CLCN2: variants seen among roughly 807,000 people sequenced by gnomAD.
CLCN2 encodes chloride voltage-gated channel 2, also known as chloride channel protein 2.
Under a neutral mutation model 108.3 loss-of-function variants are expected in CLCN2, and 72 were observed. The ratio of observed to expected loss-of-function variants is 0.66; its 90% CI spans 0.55 to 0.81. The LOEUF is 0.81. Among genes scored for constraint, CLCN2 ranks in the 30% least tolerant of loss-of-function variants. The probability of loss-of-function intolerance (pLI) is 0.00; values close to 1 mark genes in which losing one functional copy is unlikely to be tolerated. For synonymous variants in CLCN2, 471 were observed against 467.1 expected (o/e 1.01, Z -0.11); for missense variants, 1,048 against 1,205.2 (o/e 0.87, Z 1.93).
chr3:184,359,847 T>TG (rs1168704643), intron 1 of CLCN2, among the ~76,000 whole-genome samples: 2 of 151,928 alleles, frequency 1.3e-5, no homozygotes, highest in East Asian at 3.9e-4. Flanking sequence ...CTGTGGATGC[T>TG]GGGGTGATGG....
intron 10 of CLCN2, chr3:184,356,018 A>G (rs2108569224): frequency 1.9e-6 from 1 of 520,124 alleles, no homozygotes; most frequent in East Asian, 3.5e-5. Flanking sequence ...GTAGGTGGGT[A>G]GCAGCAGCAG....
intron 5 of CLCN2, 47 bp downstream of exon 5, chr3:184,357,915 T>A (rs749455121): frequency 4.3e-6 from 7 of 1,613,700 alleles, no homozygotes; most frequent in Non-Finnish European, 5.9e-6. Flanking sequence ...TGGCCTGGCC[T>A]CCTCTTCCAC....
intron 3 of CLCN2, 138 bp from the exon 4 acceptor site, chr3:184,358,448 G>A: frequency 7.8e-7 from 1 of 1,289,906 alleles, no homozygotes; most frequent in Non-Finnish European, 1.1e-6. Context: ...GGTCCCTGAG[G>A]GTATTCACTG....
intron 22 of CLCN2, 143 bp downstream of exon 22, chr3:184,351,870 G>A: frequency 1.3e-6 from 1 of 748,920 alleles, no homozygotes; most frequent in Non-Finnish European, 2.4e-6. Flanking sequence ...CAAGCAGTAT[G>A]TCTAAAAAAC....
intron 1 of CLCN2, among the ~76,000 whole-genome samples, chr3:184,360,339 G>T (rs1302036615): frequency 6.6e-6 from 1 of 152,076 alleles, no homozygotes; most frequent in East Asian, 1.9e-4. Flanking sequence ...GACGGAGATG[G>T]AGAGGTGGCT....
At chr3:184,359,205 T>C in intron 1 of CLCN2, 74 bp from the exon 2 acceptor site, 1 of 1,548,672 alleles carries the variant, frequency 6.5e-7, no homozygotes, top group Non-Finnish European at 8.9e-7. Context: ...TCTTAGAGCC[T>C]CCACTCCTCT....
intron 7 of CLCN2, 60 bp downstream of exon 7, chr3:184,357,560 C>A: frequency 5.0e-6 from 8 of 1,613,934 alleles, no homozygotes; most frequent in Non-Finnish European, 6.8e-6. Flanking sequence ...TAAGAGGGGC[C>A]AAGGAGGAGA....
intron 22 of CLCN2, among the ~76,000 whole-genome samples, chr3:184,350,587 C>T (rs1336211541): frequency 6.6e-6 from 1 of 152,106 alleles, no homozygotes; most frequent in East Asian, 1.9e-4. Flanking sequence ...AGGTGCCTGC[C>T]ACCACGCCTG....
chr3:184,354,195 C>T lies in CLCN2; in HGVS notation c.1627G>A (p.Ala543Thr), dbSNP rs745479097. 9.9e-6 allele frequency: 16 copies of T among 1,613,336 alleles called. No homozygotes were observed. In the East Asian group the frequency reaches 1.1e-4, roughly 11 times the overall value. ...PVMIAVILAN[A>T]VAQSLQPSLY... is the part of the protein sequence containing the mutation. Reference sequence around the variant, plus strand: ...GAGGGCTGCAGACTCTGGGCGACAGCGTTGGCCAGGATGACGGCGATCATG... The same window carrying T: ...GAGGGCTGCAGACTCTGGGCGACAGTGTTGGCCAGGATGACGGCGATCATG... The change falls in exon 15 of 24, where the codon GCT becomes ACT. Residue 543 changes from alanine (A) to threonine (T), a missense_variant. Transcript: ENST00000265593.
chr3:184,346,934 C>T lies in CLCN2; in HGVS notation c.2502+1G>A. On this transcript the variant is annotated splice_donor_variant, in intron 23 of 23. Transcript: ENST00000265593. LOFTEE classifies it high-confidence loss of function. This position sits in a 1 kb window ranked among gnomAD's most constrained non-coding sequence, Gnocchi z 6.0. The stretch of plus-strand genomic sequence containing the variant: ...AGCTTTGGAGGCCACCATCACCTCA[C>T]CTCCTTTAGAGTAACGATTCCAATG... The T allele has an allele frequency of 1.9e-6, 3 of 1,613,968 alleles. No individual in the cohort carries two copies. Among genetic ancestry groups the T allele is most frequent in the Non-Finnish European group, 2.5e-6 (3 of 1,179,800 alleles).
Position 184,355,058 on chromosome 3 carries a change from G to T in CLCN2, c.1327-85C>A. On this transcript the variant is annotated intron_variant, in intron 12 of 23. Transcript: ENST00000265593. The surrounding 1 kb of genome is among the most constrained non-coding windows in gnomAD (Gnocchi z 6.3). Reference sequence around the variant, plus strand: ...GCGCCACCCAGGAGAAGTCTACCTCGCTGATCAGGTGGGCGTAACCCTCCC... The same window carrying T: ...GCGCCACCCAGGAGAAGTCTACCTCTCTGATCAGGTGGGCGTAACCCTCCC... 7.6e-7 allele frequency: 1 copy of T among 1,319,866 alleles called. No homozygotes were observed. 81.8% of individuals were successfully genotyped at this position (1,319,866 alleles called of 1,614,324 possible).
chr3:184,358,629 A>G lies in CLCN2; in HGVS notation c.352+53T>C, dbSNP rs891954783. 4.5e-6 allele frequency: 7 copies of G among 1,550,432 alleles called. No homozygotes were observed. In the Admixed American group the frequency reaches 1.2e-4, roughly 26 times the overall value. ...TCCTCCATGTCTAGACGAGTGTGGC[A>G]TGGACGCAGGAGGTTTATTCCCAGT... is the stretch of plus-strand genomic sequence containing the variant. On this transcript the variant is annotated intron_variant, in intron 3 of 23. Transcript: ENST00000265593.
chr3:184,348,986 T>C (rs140415526), intron 22 of CLCN2: 8 of 152,198 alleles, frequency 5.3e-5, no homozygotes, highest in African/African-American at 1.9e-4. Context: ...TTTGTCAAAC[T>C]TGAGTACAGC....
chr3:184,355,182 A>G lies in CLCN2; in HGVS notation c.1326+192T>C. 1.3e-6 allele frequency: 1 copy of G among 794,578 alleles called. No individual in the cohort carries two copies. Among genetic ancestry groups the G allele is most frequent in the Non-Finnish European group, 2.1e-6 (1 of 465,852 alleles). The allele number at this position is 794,578 out of a possible 1,614,324, so 49.2% of individuals were successfully genotyped here. On this transcript the variant is annotated intron_variant, in intron 12 of 23. Transcript: ENST00000265593. This position sits in a 1 kb window ranked among gnomAD's most constrained non-coding sequence, Gnocchi z 6.3. ...GAAGCAGATGGCTTGGGTTCAGATC[A>G]TCGCTCTGCCCTCTAGCTGTGTGAC... is the stretch of plus-strand genomic sequence containing the variant.
intron 13 of CLCN2, 109 bp downstream of exon 13, chr3:184,354,795 T>A: frequency 7.2e-7 from 1 of 1,393,736 alleles, no homozygotes; most frequent in Admixed American, 1.7e-5. Context: ...GGGTCAGGGT[T>A]CGGGCTAGGG....
In CLCN2 at chr3:184,361,405, A is replaced by G. The variant is rs750276370; in HGVS notation, c.63+12T>C. On this transcript the variant is annotated intron_variant, in intron 1 of 23. Coordinates refer to ENST00000265593, the MANE Select transcript of CLCN2 (RefSeq NM_004366.6). This position sits in a 1 kb window ranked among gnomAD's most constrained non-coding sequence, Gnocchi z 6.6. The stretch of plus-strand genomic sequence containing the variant: ...GGAGCGCACTCCTGGGGCTCAGCTC[A>G]GCTTCACTTACCAGGGTCTGCTCGT... 6.2e-7 allele frequency: 1 copy of G among 1,613,554 alleles called. No homozygotes were observed. Among genetic ancestry groups the G allele is most frequent in the South Asian group, 1.1e-5 (1 of 91,084 alleles).
In CLCN2 at chr3:184,355,205, G is replaced by T; in HGVS notation, c.1326+169C>A. ...TCATCGCTCTGCCCTCTAGCTGTGTGACTTTGGGCCAGCTACTTGTGTTTC... is the reference window on the plus strand; with the variant it reads ...TCATCGCTCTGCCCTCTAGCTGTGTTACTTTGGGCCAGCTACTTGTGTTTC... On this transcript the variant is annotated intron_variant, in intron 12 of 23. Coordinates refer to ENST00000265593, the MANE Select transcript of CLCN2 (RefSeq NM_004366.6). The surrounding 1 kb of genome is among the most constrained non-coding windows in gnomAD (Gnocchi z 6.3). The T allele has an allele frequency of 1.2e-6, 1 of 843,782 alleles. No individual in the cohort carries two copies. Among genetic ancestry groups the T allele is most frequent in the Non-Finnish European group, 2.0e-6 (1 of 503,848 alleles). 52.3% of individuals were successfully genotyped at this position (843,782 alleles called of 1,614,324 possible). A position where few individuals can be genotyped will look rare whatever the true frequency, so the allele number is the denominator to read the frequency against.
Position 184,353,709 on chromosome 3 carries a change from G to A in CLCN2, c.1808C>T (p.Ala603Val), listed in dbSNP as rs1285815830. 1 of 1,610,878 alleles carries A rather than the reference G, an allele frequency of 6.2e-7. No homozygotes were observed. The highest frequency in any genetic ancestry group is 8.5e-7 in the Non-Finnish European group (1 of 1,179,042). Residue 603 changes from alanine (A) to valine (V), a missense_variant, in exon 16 of 24, where the codon GCA becomes GTA. Coordinates refer to ENST00000265593, the MANE Select transcript of CLCN2 (RefSeq NM_004366.6). ...LSCTFRDLRL[A>V]LHRTKGRMLA... is the part of the protein sequence containing the mutation. The stretch of plus-strand genomic sequence containing the variant: ...CATTCGGCCCTTGGTCCTGTGCAGT[G>A]CCAAACGCAGGTCCCGGAAGGTGCA...
intron 3 of CLCN2, 43 bp downstream of exon 3, chr3:184,358,639 G>A: frequency 6.4e-7 from 1 of 1,553,474 alleles, no homozygotes; most frequent in Non-Finnish European, 8.7e-7. Flanking sequence ...ATGGACGCAG[G>A]AGGTTTATTC....
Sources: gnomAD v4.1 joint callset for allele counts (sites outside exome capture counted in the v4.1 genomes callset) on GRCh38, gnomAD v4.1.1 for gene constraint, Gnocchi (gnomAD v3.1) non-coding constraint, MANE v1.5 for transcripts, NCBI Gene and HGNC (gene_info 2026-07-23, HGNC 2026-07-21) for gene names.